GRK7: variants seen among roughly 807,000 people sequenced by gnomAD.
GRK7 encodes rhodopsin kinase GRK7.
GRK7 carries 24 observed loss-of-function variants against 34.1 expected under a neutral mutation model. The observed-to-expected ratio is 0.70, with a 90% CI of 0.51 to 0.99. The LOEUF (loss-of-function observed/expected upper bound fraction) is 0.99. Among genes scored for constraint, GRK7 ranks in the 50% least tolerant of loss-of-function variants. The pLI is 0.00. For synonymous variants in GRK7, 256 were observed against 279.4 expected, an observed-to-expected ratio of 0.92 and a Z score of 0.84; for missense variants, 644 against 707.3, an observed-to-expected ratio of 0.91 and a Z score of 1.02.
In GRK7 at chr3:141,764,713, C is replaced by T. The variant is rs1422736125; in HGVS notation, c.-1240C>T. On this transcript the variant is annotated 5_prime_UTR_variant, in exon 1 of 6. Transcript: ENST00000682958. ...CCAGCCCTCTCCTGTGGGTTCCAGACCCATAGATCTTGTAGACTACTCAAG... is the reference window on the plus strand; with the variant it reads ...CCAGCCCTCTCCTGTGGGTTCCAGATCCATAGATCTTGTAGACTACTCAAG... Among the ~76,000 whole-genome samples the T allele has an allele frequency of 1.3e-5, 2 of 152,118 alleles. No individual in the cohort carries two copies. Among genetic ancestry groups the T allele is most frequent in the Non-Finnish European group, 2.9e-5 (2 of 68,014 alleles).
chr3:141,762,211 GT>G (rs1299333119), upstream of GRK7, among the ~76,000 whole-genome samples: 1 of 151,732 alleles, frequency 6.6e-6, no homozygotes, highest in Admixed American at 6.6e-5. Context: ...AGAGTTTCCA[GT>G]TTTTCTGTTC....
At chr3:141,751,711 C>T in the GRK7 span, among the ~76,000 whole-genome samples, 1 of 152,138 alleles carries the variant, frequency 6.6e-6, no homozygotes. Context: ...TAGCTACTAG[C>T]CACATGTAGC....
chr3:141,801,039 A>G (rs12107636), intron 4 of GRK7, among the ~76,000 whole-genome samples: 12,766 of 152,176 alleles, frequency 0.084, 1,754 homozygotes, highest in African/African-American at 0.29. Context: ...GGCCGGGTGC[A>G]GTGGCTCACA....
intron 4 of GRK7, among the ~76,000 whole-genome samples, chr3:141,799,981 G>A (rs1710934244): frequency 6.6e-6 from 1 of 152,104 alleles, no homozygotes. Flanking sequence ...GTGCTCATTG[G>A]ACGGGTGCCA....
Position 141,764,403 on chromosome 3 carries a change from G to A in GRK7, c.-1550G>A, listed in dbSNP as rs1042349754. 8.5e-5 allele frequency among the ~76,000 whole-genome samples: 13 copies of A among 152,210 alleles called. No homozygotes were observed. The highest frequency in any genetic ancestry group is 2.0e-4 in the Admixed American group (3 of 15,294). ...GAAACTGCTCTTGTCAAGCATCTGC[G>A]TGACCTCCAAGTTGTTAAATTCACT... On this transcript the variant is annotated 5_prime_UTR_variant, in exon 1 of 6. In the 5' UTR this introduces an upstream ATG that the reference lacks. Transcript: ENST00000682958.
At chr3:141,796,948 T>A (rs1710886911) in intron 4 of GRK7, among the ~76,000 whole-genome samples, 1 of 152,116 alleles carries the variant, frequency 6.6e-6, no homozygotes, top group Non-Finnish European at 1.5e-5. Context: ...ACACCCAATC[T>A]GTTTTATCGT....
At chr3:141,782,051 A>G (rs1236327783) in intron 4 of GRK7, among the ~76,000 whole-genome samples, 3 of 152,242 alleles carry the variant, frequency 2.0e-5, no homozygotes, top group African/African-American at 7.2e-5. Context: ...AGGGATGTTG[A>G]CAAGACTGAA....
In GRK7 at chr3:141,812,273, G is replaced by A. The variant is rs114529984; in HGVS notation, c.1325+4354G>A. Among the ~76,000 whole-genome samples the A allele has an allele frequency of 3.8e-3, 573 of 152,262 alleles. 1 individual carries two copies. Among genetic ancestry groups the A allele is most frequent in the African/African-American group, 0.013 (551 of 41,546 alleles). ...AGTCCTCCCTGCAGCTGCCTCTTTG[G>A]CTGTTACAAAAGATACTGCCTCCAG... On this transcript the variant is annotated intron_variant, in intron 5 of 5. Transcript: ENST00000682958.
intron 4 of GRK7, among the ~76,000 whole-genome samples, chr3:141,805,581 A>G (rs1711028978): frequency 6.6e-6 from 1 of 152,174 alleles, no homozygotes; most frequent in Non-Finnish European, 1.5e-5. Flanking sequence ...TGAAAACAGC[A>G]CTGCCATGCT....
intron 4 of GRK7, among the ~76,000 whole-genome samples, chr3:141,793,109 G>A (rs886629808): frequency 1.2e-4 from 19 of 152,322 alleles, no homozygotes; most frequent in African/African-American, 4.6e-4. Context: ...CTGCTTATTT[G>A]TGTCATTTAA....
At chr3:141,816,199 G>A (rs1313094738) in intron 5 of GRK7, among the ~76,000 whole-genome samples, 1 of 152,134 alleles carries the variant, frequency 6.6e-6, no homozygotes, top group African/African-American at 2.4e-5. Context: ...ATTTTGTTAA[G>A]TCTTTAAAGA....
chr3:141,778,675 G>A lies in GRK7; in HGVS notation c.391G>A (p.Ala131Thr), dbSNP rs1488801065. The A allele has an allele frequency of 1.2e-6, 2 of 1,613,574 alleles. No homozygotes were observed. The highest frequency in any genetic ancestry group is 1.3e-5 in the African/African-American group (1 of 75,074). Residue 131 changes from alanine (A) to threonine (T), a missense_variant, in exon 3 of 6, where the codon GCC becomes ACC. Transcript: ENST00000682958. This position sits in a 1 kb window ranked among gnomAD's most constrained non-coding sequence, Gnocchi z 4.1. The part of the protein sequence containing the change: ...NPQPFLSQAV[A>T]TKCQAATTEE... ...GCAACCCTTCCTCAGCCAGGCCGTG[G>A]CCACCAAGTGCCAAGCAGCCACCAC...
Position 141,778,640 on chromosome 3 carries a change from C to G in GRK7, c.356C>G (p.Pro119Arg), listed in dbSNP as rs774273604. ...GCCACTTGTGCGAGTGCCCCTGCCC[C>G]GGGGAACCCGCAACCCTTCCTCAGC... ...LVATCASAPA[P>R]GNPQPFLSQA... Residue 119 changes from proline to arginine, a missense_variant, in exon 3 of 6, where the codon CCG becomes CGG. Coordinates refer to ENST00000682958, the MANE Select transcript of GRK7 (RefSeq NM_139209.3). The surrounding 1 kb of genome is among the most constrained non-coding windows in gnomAD (Gnocchi z 4.1). The G allele has an allele frequency of 5.6e-6, 9 of 1,612,856 alleles. No individual in the cohort carries two copies. The highest frequency in any genetic ancestry group is 2.2e-5 in the East Asian group (1 of 44,874).
At chr3:141,772,261 AT>A (rs1418264801) in intron 1 of GRK7, among the ~76,000 whole-genome samples, 1 of 151,748 alleles carries the variant, frequency 6.6e-6, no homozygotes, top group Non-Finnish European at 1.5e-5. Flanking sequence ...TGCGCGGCTA[AT>A]TTTTGTATTT....
At chr3:141,779,420 A>AAAAAG (rs2084659700) in intron 3 of GRK7, among the ~76,000 whole-genome samples, 2 of 151,812 alleles carry the variant, frequency 1.3e-5, no homozygotes, top group African/African-American at 4.8e-5. Flanking sequence ...AAAAAAAAAA[A>AAAAAG]AAAAAAGAAA....
chr3:141,814,411 G>C (rs1577929522), intron 5 of GRK7, among the ~76,000 whole-genome samples: 2 of 152,180 alleles, frequency 1.3e-5, no homozygotes, highest in East Asian at 3.9e-4. Context: ...TGTGTCTGCT[G>C]TTCCCATCTT....
chr3:141,772,181 A>G (rs1436040403), intron 1 of GRK7, among the ~76,000 whole-genome samples: 1 of 148,200 alleles, frequency 6.7e-6, no homozygotes, highest in Non-Finnish European at 1.5e-5. Context: ...TGCAACCTCC[A>G]CCTCCCAGGT....
intron 1 of GRK7, among the ~76,000 whole-genome samples, chr3:141,765,959 C>A (rs1388850078): frequency 1.3e-5 from 2 of 152,184 alleles, no homozygotes; most frequent in Non-Finnish European, 2.9e-5. Context: ...CCAGCTGAAT[C>A]TGGTGTTCCA....
chr3:141,777,796 A>G (rs1404500730), intron 2 of GRK7, among the ~76,000 whole-genome samples: 1 of 152,094 alleles, frequency 6.6e-6, no homozygotes, highest in Non-Finnish European at 1.5e-5. Flanking sequence ...CTGGGAGGAA[A>G]CTGCTCTGAC....
Sources: gnomAD v4.1 joint callset for allele counts (sites outside exome capture counted in the v4.1 genomes callset) on GRCh38, gnomAD v4.1.1 for gene constraint, Gnocchi (gnomAD v3.1) non-coding constraint, MANE v1.5 for transcripts, NCBI Gene and HGNC (gene_info 2026-07-23, HGNC 2026-07-21) for gene names.